The following PTPRK variants were observed in gnomAD, a reference collection of about 807,000 sequenced individuals.
The protein encoded by PTPRK is protein tyrosine phosphatase receptor type K, also known as receptor-type tyrosine-protein phosphatase kappa.
Under a neutral mutation model 178.0 loss-of-function variants are expected in PTPRK, and 75 were observed. The observed-to-expected ratio is 0.42, with a 90% CI of 0.35 to 0.51. PTPRK has a LOEUF of 0.51. PTPRK is among the 20% of genes least tolerant of loss of function. PTPRK has a pLI of 0.02. For missense variants in PTPRK, 1,441 were observed against 1,797.8 expected (o/e 0.80, Z 3.59); for synonymous variants, 637 against 620.6 (o/e 1.03, Z -0.39).
chr6:128,032,280 T>C (rs1775470633), intron 13 of PTPRK, among the ~76,000 whole-genome samples: 1 of 152,202 alleles, frequency 6.6e-6, no homozygotes, highest in Non-Finnish European at 1.5e-5. Context: ...CTCTTGCTTC[T>C]GGGCTCTATG....
intron 1 of PTPRK, among the ~76,000 whole-genome samples, chr6:128,491,430 G>A (rs1464045363): frequency 6.6e-6 from 1 of 152,178 alleles, no homozygotes; most frequent in African/African-American, 2.4e-5. Flanking sequence ...TTCCCAGTGG[G>A]ACACAAAGGC....
intron 2 of PTPRK, among the ~76,000 whole-genome samples, chr6:128,368,811 A>T (rs1835867689): frequency 6.6e-6 from 1 of 152,132 alleles, no homozygotes; most frequent in Non-Finnish European, 1.5e-5. Flanking sequence ...TCTAGTTCCA[A>T]AGTACAATAC....
At chr6:128,469,786 T>A (rs974753948) in intron 1 of PTPRK, among the ~76,000 whole-genome samples, 1 of 151,958 alleles carries the variant, frequency 6.6e-6, no homozygotes, top group Non-Finnish European at 1.5e-5. Flanking sequence ...ATCACAAGTG[T>A]CTTTAAATGT....
chr6:128,397,426 A>G (rs985787584), intron 2 of PTPRK, 140 bp downstream of exon 2: 3 of 927,896 alleles, frequency 3.2e-6, no homozygotes, highest in African/African-American at 3.3e-5. Context: ...GGCAAAGAAT[A>G]AGGCTCTTAG....
intron 7 of PTPRK, among the ~76,000 whole-genome samples, chr6:128,113,645 T>G (rs1388589977): frequency 2.6e-5 from 4 of 152,098 alleles, no homozygotes; most frequent in Non-Finnish European, 5.9e-5. Flanking sequence ...GACTTGAGCA[T>G]CTGCAGATTT....
At chr6:128,270,822 T>C (rs1012294501) in intron 3 of PTPRK, among the ~76,000 whole-genome samples, 2 of 152,152 alleles carry the variant, frequency 1.3e-5, no homozygotes, top group African/African-American at 4.8e-5. Flanking sequence ...TCTGTTTAAA[T>C]AGACCAAGCA....
chr6:128,378,629 G>A (rs1483340164), intron 2 of PTPRK, among the ~76,000 whole-genome samples: 3 of 152,016 alleles, frequency 2.0e-5, no homozygotes, highest in Admixed American at 6.6e-5. Context: ...TCAGGAATCT[G>A]ACTATAAAAA....
chr6:128,360,093 T>C (rs189808152), intron 2 of PTPRK, among the ~76,000 whole-genome samples: 50 of 152,342 alleles, frequency 3.3e-4, no homozygotes, highest in Non-Finnish European at 5.4e-4. Context: ...AGTTGAATTT[T>C]ACCAAGATTT....
intron 3 of PTPRK, among the ~76,000 whole-genome samples, chr6:128,314,114 T>C (rs118075006): frequency 0.028 from 4,337 of 152,298 alleles, 104 homozygotes; most frequent in Non-Finnish European, 0.044. Context: ...GCCTAGTTCG[T>C]TTTTGTCATT....
chr6:128,509,921 G>C (rs1021477814), intron 1 of PTPRK, among the ~76,000 whole-genome samples: 1 of 152,114 alleles, frequency 6.6e-6, no homozygotes, highest in Non-Finnish European at 1.5e-5. Context: ...AGATAAAGGG[G>C]CATAATGAGT....
intron 6 of PTPRK, among the ~76,000 whole-genome samples, chr6:128,189,492 G>A (rs1803388869): frequency 6.6e-6 from 1 of 151,674 alleles, no homozygotes; most frequent in African/African-American, 2.4e-5. Context: ...TCCCACCTCG[G>A]CCTCCCAAAA....
Position 128,322,177 on chromosome 6 carries a change from A to G in PTPRK, c.357T>C (p.Asn119=), listed in dbSNP as rs768153461. 1.9e-6 allele frequency: 3 copies of G among 1,613,952 alleles called. No individual in the cohort carries two copies. In the Admixed American group the frequency reaches 5.0e-5, roughly 27 times the overall value. ...SYLLYSQKGL[N]PGTLNILVRV... ...TAACTAATATGTTCAAAGTGCCAGG[A>G]TTCAGTCCTTTCTGGCTATATAATA... The change falls in exon 3 of 30, where the codon AAT becomes AAC. Residue 119 remains asparagine, a synonymous_variant. Coordinates refer to ENST00000368226, the MANE Select transcript of PTPRK (RefSeq NM_002844.4).
chr6:128,082,740 G>A, intron 9 of PTPRK, 102 bp from the exon 10 acceptor site: 1 of 796,488 alleles, frequency 1.3e-6, no homozygotes, highest in Non-Finnish European at 1.9e-6. Flanking sequence ...TCCATGTGGA[G>A]TCAATGGTAA....
chr6:128,516,774 A>C (rs537756622), intron 1 of PTPRK, among the ~76,000 whole-genome samples: 1 of 152,266 alleles, frequency 6.6e-6, no homozygotes, highest in Admixed American at 6.5e-5. Flanking sequence ...ATAAGACTGC[A>C]TCTAGAAAGC....
chr6:128,202,465 C>T lies in PTPRK; in HGVS notation c.868+16457G>A, dbSNP rs567035278. ...ACTCAGGAGTTTTGTATACTCTGGA[C>T]CCGGGATTCCCAGGGAGGGTCACTA... On this transcript the variant is annotated intron_variant, in intron 6 of 29. Coordinates refer to ENST00000368226, the MANE Select transcript of PTPRK (RefSeq NM_002844.4). 1.1e-4 allele frequency among the ~76,000 whole-genome samples: 16 copies of T among 152,242 alleles called. No homozygotes were observed. In the East Asian group the frequency reaches 2.3e-3, roughly 22 times the overall value.
chr6:128,385,296 C>T (rs1441183071), intron 2 of PTPRK, among the ~76,000 whole-genome samples: 3 of 151,718 alleles, frequency 2.0e-5, no homozygotes, highest in South Asian at 2.1e-4. Context: ...TTTGGACAAC[C>T]GCAGGGATTC....
chr6:128,165,809 C>A (rs554213894), intron 7 of PTPRK, among the ~76,000 whole-genome samples: 1 of 151,154 alleles, frequency 6.6e-6, no homozygotes, highest in East Asian at 1.9e-4. Context: ...AAACTAAAGC[C>A]AAATCTATAT....
At chr6:128,380,567 T>A (rs1370464143) in intron 2 of PTPRK, among the ~76,000 whole-genome samples, 6 of 151,458 alleles carry the variant, frequency 4.0e-5, no homozygotes, top group Non-Finnish European at 5.9e-5. Context: ...TGTGTGTGTG[T>A]GTGTGTGTAT....
chr6:128,103,126 GAGA>G (rs1014594720), intron 7 of PTPRK, among the ~76,000 whole-genome samples: 6 of 152,274 alleles, frequency 3.9e-5, no homozygotes, highest in African/African-American at 1.2e-4. Context: ...TGGAGCGGCA[GAGA>G]AGGAGAGAAG....
Sources: allele counts gnomAD v4.1 joint callset (sites outside exome capture counted in the v4.1 genomes callset), GRCh38; gene constraint gnomAD v4.1.1; transcripts MANE v1.5; gene names NCBI Gene and HGNC (gene_info 2026-07-23, HGNC 2026-07-21).